Variants in PPARGC1A observed in about 807,000 individuals in gnomAD.
PPARGC1A encodes the protein PPARG coactivator 1 alpha, also known as peroxisome proliferator-activated receptor gamma coactivator 1-alpha.
PPARGC1A carries 25 observed loss-of-function variants against 88.7 expected under a neutral mutation model. That is an observed-to-expected ratio of 0.28 (90% CI 0.21 to 0.39). The LOEUF (loss-of-function observed/expected upper bound fraction) is 0.39. Ranked by LOEUF, PPARGC1A falls within the 10% of genes least tolerant of loss-of-function variation. The pLI, the probability that PPARGC1A is intolerant of heterozygous loss-of-function variation, is 1.00. For synonymous variants in PPARGC1A, 363 were observed against 355.6 expected (o/e 1.02, Z -0.24); for missense variants, 880 against 968.7 (o/e 0.91, Z 1.22).
intron 12 of PPARGC1A, among the ~76,000 whole-genome samples, chr4:23,801,184 G>A (rs1288930968): frequency 1.6e-5 from 2 of 124,508 alleles, no homozygotes; most frequent in East Asian, 2.4e-4. Context: ...GCAAAATCAG[G>A]TTACAAACAC....
chr4:24,316,502 C>T, the PPARGC1A span, among the ~76,000 whole-genome samples: 1 of 152,202 alleles, frequency 6.6e-6, no homozygotes, highest in Admixed American at 6.5e-5. Context: ...TACAAATGAA[C>T]TTTTCCTAGA....
chr4:24,250,334 G>A, the PPARGC1A span, among the ~76,000 whole-genome samples: 3 of 152,188 alleles, frequency 2.0e-5, no homozygotes, highest in East Asian at 1.9e-4. Context: ...CAAATAAGTT[G>A]ATAGGAAGGT....
the PPARGC1A span, among the ~76,000 whole-genome samples, chr4:24,323,121 C>T: frequency 2.0e-5 from 3 of 152,212 alleles, no homozygotes; most frequent in East Asian, 1.9e-4. Flanking sequence ...GAAACCATGC[C>T]GGGCCTTAGA....
At chr4:23,991,256 A>G in the PPARGC1A span, among the ~76,000 whole-genome samples, 23,222 of 152,044 alleles carry the variant, frequency 0.15, 1,861 homozygotes, top group South Asian at 0.19. Context: ...TAAAAGTCCA[A>G]TGAAAGTTCT....
the PPARGC1A span, among the ~76,000 whole-genome samples, chr4:24,161,740 G>A: frequency 6.6e-6 from 1 of 152,126 alleles, no homozygotes; most frequent in East Asian, 1.9e-4. Context: ...AGCAGGAAGG[G>A]GGTTGGCAGG....
At chr4:24,078,066 AT>A in the PPARGC1A span, among the ~76,000 whole-genome samples, 4 of 151,694 alleles carry the variant, frequency 2.6e-5, no homozygotes, top group South Asian at 6.3e-4. Context: ...ATTTTAAAAA[AT>A]GTTTTCCTCT....
the PPARGC1A span, among the ~76,000 whole-genome samples, chr4:24,337,868 G>A: frequency 1.3e-5 from 2 of 152,018 alleles, no homozygotes; most frequent in African/African-American, 2.4e-5. Context: ...CTTGAGCTCC[G>A]ACGACCCCAT....
chr4:24,146,642 T>G, the PPARGC1A span, among the ~76,000 whole-genome samples: 7 of 152,344 alleles, frequency 4.6e-5, no homozygotes, highest in East Asian at 1.4e-3. Flanking sequence ...ACAAGCTGCA[T>G]GCTGCCTATA....
chr4:23,842,473 T>C lies in PPARGC1A; in HGVS notation c.235-10722A>G, dbSNP rs568060873. Among the ~76,000 whole-genome samples the C allele has an allele frequency of 2.4e-4, 36 of 152,264 alleles. No homozygotes were observed. In the South Asian group the frequency reaches 6.0e-3, roughly 25 times the overall value. On this transcript the variant is annotated intron_variant, in intron 2 of 12. Transcript: ENST00000264867. ...CTTTTATCAGAAAAACTTGGATCCA[T>C]AGACAGAAATGCAGATTTCAAAGCC...
chr4:24,019,586 G>A, the PPARGC1A span, among the ~76,000 whole-genome samples: 2 of 152,124 alleles, frequency 1.3e-5, no homozygotes, highest in South Asian at 2.1e-4. Flanking sequence ...CACTAACTCC[G>A]TGTATCTAAG....
intron 1 of PPARGC1A, 74 bp downstream of exon 1, chr4:23,889,830 C>A: frequency 6.4e-7 from 1 of 1,560,098 alleles, no homozygotes; most frequent in Non-Finnish European, 8.7e-7. Context: ...CAAGCCCATC[C>A]CCCCTTACAG....
the PPARGC1A span, among the ~76,000 whole-genome samples, chr4:24,275,469 C>A: frequency 2.0e-5 from 3 of 152,096 alleles, no homozygotes; most frequent in African/African-American, 7.2e-5. Context: ...AAATATGTCA[C>A]ATCATAATGT....
rs1038928301 is a variant in PPARGC1A at position 23,795,453 on chromosome 4, T to G, written c.*369A>C. The G allele has an allele frequency of 5.9e-6, 1 of 170,410 alleles. No individual in the cohort carries two copies. Among genetic ancestry groups the G allele is most frequent in the Non-Finnish European group, 1.2e-5 (1 of 80,954 alleles). 10.6% of individuals were successfully genotyped at this position (170,410 alleles called of 1,614,324 possible). On this transcript the variant is annotated 3_prime_UTR_variant, in exon 13 of 13. Transcript: ENST00000264867. ...TGGTCAGGTGCCCCCAGTCCTCACA[T>G]GTACCCACACATACTTCCCCTAAAC...
intron 2 of PPARGC1A, among the ~76,000 whole-genome samples, chr4:23,867,895 A>G (rs1334524494): frequency 3.9e-5 from 6 of 152,218 alleles, no homozygotes; most frequent in Non-Finnish European, 7.3e-5. Flanking sequence ...CAACAACAAC[A>G]ACGACAAAAA....
At chr4:24,025,118 G>A in the PPARGC1A span, among the ~76,000 whole-genome samples, 1 of 152,162 alleles carries the variant, frequency 6.6e-6, no homozygotes, top group South Asian at 2.1e-4. Context: ...TCCTAATGGT[G>A]AAAATGATCC....
chr4:24,158,613 G>A, the PPARGC1A span, among the ~76,000 whole-genome samples: 1 of 152,170 alleles, frequency 6.6e-6, no homozygotes, highest in Non-Finnish European at 1.5e-5. Context: ...ATGAATGACT[G>A]TTCTGAGGAC....
At chr4:23,967,980 T>A in the PPARGC1A span, among the ~76,000 whole-genome samples, 1 of 152,076 alleles carries the variant, frequency 6.6e-6, no homozygotes, top group African/African-American at 2.4e-5. Flanking sequence ...AGGGAGAGAA[T>A]GTTTCAAGCC....
chr4:24,075,399 T>TTC, the PPARGC1A span, among the ~76,000 whole-genome samples: 160 of 152,262 alleles, frequency 1.1e-3, 1 homozygote, highest in African/African-American at 3.7e-3. Context: ...TTTCAGGTAA[T>TTC]TCTCAAAACT....
the PPARGC1A span, among the ~76,000 whole-genome samples, chr4:23,922,960 T>C: frequency 6.6e-6 from 1 of 152,238 alleles, no homozygotes; most frequent in Non-Finnish European, 1.5e-5. Context: ...GCAGACATTT[T>C]ATCAGCTAAC....
Sources: allele counts gnomAD v4.1 joint callset (sites outside exome capture counted in the v4.1 genomes callset), GRCh38; gene constraint gnomAD v4.1.1; transcripts MANE v1.5; gene names NCBI Gene and HGNC (gene_info 2026-07-23, HGNC 2026-07-21).